KCNIP4: variants seen among roughly 807,000 people sequenced by gnomAD.
The protein encoded by KCNIP4 is Kv channel-interacting protein 4.
A neutral mutation model predicts 34.0 loss-of-function variants in KCNIP4; 12 were observed. That is an observed-to-expected ratio of 0.35 (90% CI 0.23 to 0.57). KCNIP4 has a LOEUF of 0.57. Among genes scored for constraint, KCNIP4 ranks in the 20% least tolerant of loss-of-function variants. The pLI is 0.83. For synonymous variants in KCNIP4, 124 were observed against 102.2 expected, an observed-to-expected ratio of 1.21 and a Z score of -1.29; for missense variants, 238 against 311.7, an observed-to-expected ratio of 0.76 and a Z score of 1.78.
At chr4:21,267,419 C>G (rs1345862411) in intron 1 of KCNIP4, among the ~76,000 whole-genome samples, 1 of 150,966 alleles carries the variant, frequency 6.6e-6, no homozygotes, top group Non-Finnish European at 1.5e-5. Flanking sequence ...GCATCCCTGT[C>G]TTGTGCCAGT....
intron 1 of KCNIP4, among the ~76,000 whole-genome samples, chr4:21,434,863 C>CT (rs1726812635): frequency 1.3e-5 from 2 of 151,292 alleles, no homozygotes; most frequent in African/African-American, 2.4e-5. Context: ...AATTCTGTGT[C>CT]TAACTTTTTC....
intron 1 of KCNIP4, among the ~76,000 whole-genome samples, chr4:21,803,849 G>T (rs1270284006): frequency 2.0e-5 from 3 of 152,160 alleles, no homozygotes; most frequent in Non-Finnish European, 2.9e-5. Flanking sequence ...CAGAATAAAA[G>T]CTCCATGAGA....
At chr4:21,619,374 A>G (rs965436133) in intron 1 of KCNIP4, among the ~76,000 whole-genome samples, 3 of 152,266 alleles carry the variant, frequency 2.0e-5, no homozygotes, top group African/African-American at 7.2e-5. Flanking sequence ...AATATTAAAC[A>G]TGGTGGTACC....
intron 1 of KCNIP4, among the ~76,000 whole-genome samples, chr4:21,918,662 C>A (rs942367671): frequency 6.6e-6 from 1 of 152,068 alleles, no homozygotes. Flanking sequence ...AACAGTGGTG[C>A]GTTTTATTTG....
intron 3 of KCNIP4, among the ~76,000 whole-genome samples, chr4:20,770,487 ACC>A (rs1285693787): frequency 6.6e-6 from 1 of 151,582 alleles, no homozygotes; most frequent in Non-Finnish European, 1.5e-5. Flanking sequence ...AAAAAAAAAT[ACC>A]GAGTAAAGAA....
chr4:21,893,128 G>T (rs918697145), intron 1 of KCNIP4, among the ~76,000 whole-genome samples: 10 of 152,114 alleles, frequency 6.6e-5, no homozygotes, highest in Admixed American at 3.3e-4. Context: ...TGAGCAAAAA[G>T]ATATTTCATA....
chr4:21,484,015 T>C (rs1412490603), intron 1 of KCNIP4, among the ~76,000 whole-genome samples: 1 of 152,046 alleles, frequency 6.6e-6, no homozygotes, highest in Non-Finnish European at 1.5e-5. Context: ...CTTTTTTTTT[T>C]TTATAGATTA....
intron 3 of KCNIP4, among the ~76,000 whole-genome samples, chr4:20,771,535 T>C (rs1275924799): frequency 2.0e-5 from 3 of 152,198 alleles, no homozygotes; most frequent in Non-Finnish European, 4.4e-5. Context: ...TGGTGAAATG[T>C]CTGCTGGAGA....
intron 1 of KCNIP4, among the ~76,000 whole-genome samples, chr4:21,040,878 C>T (rs74830080): frequency 0.096 from 14,256 of 148,672 alleles, 811 homozygotes; most frequent in East Asian, 0.22. Context: ...ATTTTTTTTA[C>T]GCTCTCACTT....
chr4:20,799,549 A>G (rs1451697565), intron 3 of KCNIP4, among the ~76,000 whole-genome samples: 1 of 152,114 alleles, frequency 6.6e-6, no homozygotes, highest in Non-Finnish European at 1.5e-5. Flanking sequence ...CACCCATCTG[A>G]GCTGGTGAGA....
intron 5 of KCNIP4, among the ~76,000 whole-genome samples, chr4:20,742,483 C>A (rs944651521): frequency 2.6e-5 from 4 of 152,086 alleles, no homozygotes; most frequent in African/African-American, 9.7e-5. Flanking sequence ...ATTATCTCAA[C>A]AGACACAGAA....
chr4:21,834,310 C>A (rs559671882), intron 1 of KCNIP4, among the ~76,000 whole-genome samples: 2 of 152,166 alleles, frequency 1.3e-5, no homozygotes, highest in African/African-American at 4.8e-5. Context: ...TCCTTCACAT[C>A]CCTTGTAAGT....
intron 1 of KCNIP4, among the ~76,000 whole-genome samples, chr4:21,496,387 G>C (rs1216497515): frequency 6.6e-6 from 1 of 152,126 alleles, no homozygotes; most frequent in Non-Finnish European, 1.5e-5. Flanking sequence ...TCAGCTTGGG[G>C]ACACAGAATC....
chr4:21,410,583 G>A (rs1298882976), intron 1 of KCNIP4, among the ~76,000 whole-genome samples: 1 of 152,114 alleles, frequency 6.6e-6, no homozygotes, highest in Admixed American at 6.6e-5. Flanking sequence ...ACCATCGAGT[G>A]GATCAGCCAG....
intron 3 of KCNIP4, among the ~76,000 whole-genome samples, chr4:20,809,470 C>T (rs936525923): frequency 1.3e-5 from 2 of 152,106 alleles, no homozygotes; most frequent in South Asian, 2.1e-4. Flanking sequence ...TGGAGAATGT[C>T]GCATTCAGGA....
At chr4:20,962,236 A>T (rs932944954) in intron 1 of KCNIP4, among the ~76,000 whole-genome samples, 1 of 152,166 alleles carries the variant, frequency 6.6e-6, no homozygotes, top group Admixed American at 6.5e-5. Flanking sequence ...TACACCGTGA[A>T]CTGGGGATCC....
intron 1 of KCNIP4, among the ~76,000 whole-genome samples, chr4:21,234,823 T>C (rs1047047058): frequency 6.6e-6 from 1 of 151,774 alleles, no homozygotes; most frequent in Non-Finnish European, 1.5e-5. Flanking sequence ...AATTTTTGTA[T>C]TTTTAGTAGA....
rs553809536 is a variant in KCNIP4 at position 21,684,602 on chromosome 4, A to G, written c.61+263969T>C. ...ATTGTAGTTTAAAAATTTTTTTACT[A>G]TACTTTATATCCTAGGAAAAAGCCA... is the stretch of plus-strand genomic sequence containing the variant. On this transcript the variant is annotated intron_variant, in intron 1 of 8. Coordinates refer to ENST00000382152, the MANE Select transcript of KCNIP4 (RefSeq NM_025221.6). Among the ~76,000 whole-genome samples, 403 of 152,266 alleles carry G rather than the reference A, an allele frequency of 2.6e-3. 1 individual carries two copies. The highest frequency in any genetic ancestry group is 7.8e-3 in the African/African-American group (322 of 41,544).
chr4:21,510,173 T>C (rs953930741), intron 1 of KCNIP4, among the ~76,000 whole-genome samples: 21 of 151,964 alleles, frequency 1.4e-4, no homozygotes, highest in Admixed American at 2.0e-4. Context: ...ATTGAAATGA[T>C]GTTAATGAAT....
Sources: allele counts gnomAD v4.1 joint callset (sites outside exome capture counted in the v4.1 genomes callset), GRCh38; gene constraint gnomAD v4.1.1; transcripts MANE v1.5; gene names NCBI Gene and HGNC (gene_info 2026-07-23, HGNC 2026-07-21).